The following HNRNPH1 variants were observed in gnomAD, a reference collection of about 807,000 sequenced individuals.
The protein encoded by HNRNPH1 is heterogeneous nuclear ribonucleoprotein H.
In HNRNPH1, 4 loss-of-function variants were observed where a neutral mutation model predicts 58.6. The ratio of observed to expected loss-of-function variants is 0.07; its 90% CI spans 0.03 to 0.16. The LOEUF (loss-of-function observed/expected upper bound fraction) is 0.16. Among genes scored for constraint, HNRNPH1 ranks in the 10% least tolerant of loss-of-function variants. The probability of loss-of-function intolerance (pLI) is 1.00; values close to 1 mark genes in which losing one functional copy is unlikely to be tolerated. For synonymous variants in HNRNPH1, 192 were observed against 189.2 expected (o/e 1.01, Z -0.12); for missense variants, 271 against 564.2 (o/e 0.48, Z 5.26).
chr5:179,615,344 G>T (rs1035465376), intron 12 of HNRNPH1: 2 of 485,254 alleles, frequency 4.1e-6, no homozygotes, highest in Non-Finnish European at 7.4e-6. Context: ...TTTGAGAAAA[G>T]GGAGCACAGG....
chr5:179,632,632 C>T (rs1002869865), intron 2 of HNRNPH1, among the ~76,000 whole-genome samples: 4 of 152,240 alleles, frequency 2.6e-5, no homozygotes, highest in Non-Finnish European at 5.9e-5. Flanking sequence ...CACGCCCTCT[C>T]CGGTTCACGC....
intron 1 of HNRNPH1, among the ~76,000 whole-genome samples, chr5:179,622,463 C>G (rs1311111427): frequency 6.6e-6 from 1 of 152,206 alleles, no homozygotes; most frequent in Non-Finnish European, 1.5e-5. Context: ...GTAATCCCAG[C>G]ATTTTGGGAA....
upstream of HNRNPH1, among the ~76,000 whole-genome samples, chr5:179,625,473 CAA>C (rs1483619732): frequency 5.3e-5 from 6 of 112,990 alleles, no homozygotes; most frequent in Non-Finnish European, 8.7e-5. Context: ...GCCTGGGCTA[CAA>C]AGACTCCCTC....
chr5:179,615,886 A>T (rs1769304147), intron 11 of HNRNPH1: 1 of 533,668 alleles, frequency 1.9e-6, no homozygotes, highest in Middle Eastern at 4.9e-4. Flanking sequence ...TTCAAAGAAC[A>T]CTTCCCCCTC....
chr5:179,624,322 GT>G (rs1774116542), exon 1 of HNRNPH1: 3 of 393,900 alleles, frequency 7.6e-6, no homozygotes, highest in Admixed American at 8.9e-5. Context: ...CTTACCTGCC[GT>G]CGTCGGGCCT....
At chr5:179,631,532 G>C (rs558657112) in intron 2 of HNRNPH1, among the ~76,000 whole-genome samples, 1 of 152,108 alleles carries the variant, frequency 6.6e-6, no homozygotes, top group African/African-American at 2.4e-5. Flanking sequence ...AATTACCTGA[G>C]GTCGGGAGTT....
intron 4 of HNRNPH1, 50 bp from the exon 6 acceptor site, chr5:179,618,373 G>T: frequency 7.7e-7 from 1 of 1,301,200 alleles, no homozygotes. Flanking sequence ...GAAAACATTA[G>T]TTCATTTTAT....
chr5:179,618,327 AAG>A lies in HNRNPH1; in HGVS notation c.537-6_537-5del, dbSNP rs753312638. 6.2e-7 allele frequency: 1 copy of A among 1,601,408 alleles called. No individual in the cohort carries two copies. Among genetic ancestry groups the A allele is most frequent in the Non-Finnish European group, 8.5e-7 (1 of 1,173,048 alleles). ...GCTCTTAAAGATTTCAATATACCTA[AAG>A]CATTGTTCATAAGGAAGGGGTAGGG... On this transcript the variant is annotated splice_polypyrimidine_tract_variant and splice_region_variant and intron_variant, in intron 4 of 12. Transcript: ENST00000356731.
upstream of HNRNPH1, among the ~76,000 whole-genome samples, chr5:179,626,965 T>G (rs1562364117): frequency 6.6e-6 from 1 of 151,890 alleles, no homozygotes; most frequent in Admixed American, 6.6e-5. Context: ...GTATTTTTAC[T>G]AGAGACGGGG....
At chr5:179,622,908 G>GGCGCCAGGGC (rs1338107458) in intron 1 of HNRNPH1, 129 bp downstream of exon 2, 1 of 156,680 alleles carries the variant, frequency 6.4e-6, no homozygotes, top group Non-Finnish European at 1.3e-5. Context: ...CTCGCCAGGG[G>GGCGCCAGGGC]GCGCCCCGGG....
intron 10 of HNRNPH1, 196 bp downstream of exon 11, chr5:179,616,671 CTA>C: frequency 3.4e-6 from 2 of 595,146 alleles, no homozygotes; most frequent in Non-Finnish European, 5.9e-6. Flanking sequence ...CTACTTAAAC[CTA>C]ATTTGAATTA....
upstream of HNRNPH1, among the ~76,000 whole-genome samples, chr5:179,626,684 C>G (rs1402999435): frequency 6.0e-5 from 9 of 150,052 alleles, no homozygotes; most frequent in African/African-American, 2.2e-4. Flanking sequence ...CCACTGCACT[C>G]CTGCCTGGGC....
intron 3 of HNRNPH1, among the ~76,000 whole-genome samples, chr5:179,620,499 G>A (rs566174278): frequency 1.3e-5 from 2 of 152,180 alleles, no homozygotes; most frequent in African/African-American, 2.4e-5. Flanking sequence ...ACCCAAATAC[G>A]TGTCTCTTGC....
rs1412275899 is a variant in HNRNPH1 at position 179,614,922 on chromosome 5, A to C, written c.*38T>G. ...TCACGCCCATAGATGCACGGCTTCCACTACTGTAGTAGCTGCTGTTCACTG... is the reference window on the plus strand; with the variant it reads ...TCACGCCCATAGATGCACGGCTTCCCCTACTGTAGTAGCTGCTGTTCACTG... On this transcript the variant is annotated 3_prime_UTR_variant, in exon 13 of 13. Coordinates refer to ENST00000356731, the Ensembl canonical transcript of HNRNPH1. 17 of 1,550,022 alleles carry C rather than the reference A, an allele frequency of 1.1e-5. 2 individuals carry two copies. In the South Asian group the frequency reaches 1.9e-4, roughly 17 times the overall value.
chr5:179,623,490 C>T (rs1366015731), exon 1 of HNRNPH1: 3 of 175,744 alleles, frequency 1.7e-5, no homozygotes, highest in East Asian at 1.6e-4. Context: ...TGCCGAGATT[C>T]AGCGAACCAC....
At chr5:179,615,228 T>TA (rs1419702092) in intron 12 of HNRNPH1, 1 of 430,042 alleles carries the variant, frequency 2.3e-6, no homozygotes. Flanking sequence ...AAAGGAAAAC[T>TA]AGTGTTTTTC....
intron 2 of HNRNPH1, among the ~76,000 whole-genome samples, chr5:179,633,365 G>T (rs1775003353): frequency 6.6e-6 from 1 of 151,470 alleles, no homozygotes; most frequent in Admixed American, 6.6e-5. Context: ...GCACAATCTC[G>T]GCTCACTGCA....
exon 1 of HNRNPH1, chr5:179,623,250 C>G (rs919851117): frequency 3.1e-6 from 2 of 641,856 alleles, no homozygotes; most frequent in Admixed American, 2.8e-5. Context: ...ACCGCCCCCC[C>G]ACGGAGCAAA....
Position 179,614,678 on chromosome 5 carries a change from A to C in HNRNPH1, c.*282T>G. 16 of 538,028 alleles carry C rather than the reference A, an allele frequency of 3.0e-5. No homozygotes were observed. In the South Asian group the frequency reaches 3.6e-4, roughly 12 times the overall value. The allele number at this position is 538,028 out of a possible 1,614,324, so 33.3% of individuals were successfully genotyped here. A position where few individuals can be genotyped will look rare whatever the true frequency, so the allele number is the denominator to read the frequency against. On this transcript the variant is annotated 3_prime_UTR_variant, in exon 13 of 13. Transcript: ENST00000356731. ...TACATCCTAGATGAGTATTGTATTCAAAAATACTGGGCCTTAAGTCTTCAT... is the reference window on the plus strand; with the variant it reads ...TACATCCTAGATGAGTATTGTATTCCAAAATACTGGGCCTTAAGTCTTCAT...
Sources: allele counts gnomAD v4.1 joint callset (sites outside exome capture counted in the v4.1 genomes callset), GRCh38; gene constraint gnomAD v4.1.1; transcripts MANE v1.5; gene names NCBI Gene and HGNC (gene_info 2026-07-23, HGNC 2026-07-21).